The following PACRGL variants were observed in gnomAD, a reference collection of about 807,000 sequenced individuals.
PACRGL encodes the protein PACRG-like protein.
In PACRGL, 38 loss-of-function variants were observed where a neutral mutation model predicts 34.5. The observed-to-expected ratio is 1.10, with a 90% CI of 0.85 to 1.44. PACRGL has a LOEUF of 1.44. PACRGL is among the 40% of genes most tolerant of loss of function. The probability of loss-of-function intolerance (pLI) is 0.00; values close to 1 mark genes in which losing one functional copy is unlikely to be tolerated. For missense variants in PACRGL, 305 were observed against 281.4 expected (o/e 1.08, Z -0.60); for synonymous variants, 128 against 100.1 (o/e 1.28, Z -1.66).
chr4:20,737,398 G>C (rs769414953), downstream of PACRGL, among the ~76,000 whole-genome samples: 21 of 152,194 alleles, frequency 1.4e-4, no homozygotes, highest in Non-Finnish European at 2.8e-4. Flanking sequence ...AATTTTTAAT[G>C]AGGAGCACTT....
intron 1 of PACRGL, chr4:20,702,029 T>TA: frequency 2.3e-6 from 1 of 439,812 alleles, no homozygotes; most frequent in East Asian, 7.0e-5. Flanking sequence ...AGTTGTCCTG[T>TA]ATACTCATAA....
chr4:20,729,259 C>G lies in PACRGL; in HGVS notation c.*1918C>G, dbSNP rs959677059. The G allele has an allele frequency of 4.0e-5, 6 of 151,830 alleles. No individual in the cohort carries two copies. Among genetic ancestry groups the G allele is most frequent in the African/African-American group, 1.5e-4 (6 of 41,290 alleles). 9.4% of individuals were successfully genotyped at this position (151,830 alleles called of 1,614,324 possible). Reference sequence around the variant, plus strand: ...GGAGGATAGATATCCTGACCCTTTGCATATGTCTGTAAACATCCTTGTTTT... The same window carrying G: ...GGAGGATAGATATCCTGACCCTTTGGATATGTCTGTAAACATCCTTGTTTT... On this transcript the variant is annotated 3_prime_UTR_variant, in exon 9 of 9. Coordinates refer to ENST00000503585, the MANE Select transcript of PACRGL (RefSeq NM_001258345.3).
chr4:20,747,650 C>T (rs1398650927), intron 8 of PACRGL, among the ~76,000 whole-genome samples: 1 of 152,096 alleles, frequency 6.6e-6, no homozygotes, highest in African/African-American at 2.4e-5. Flanking sequence ...TCCTTCTCCA[C>T]TCTCAGCTTT....
At chr4:20,741,456 C>A (rs902210614) in intron 8 of PACRGL, among the ~76,000 whole-genome samples, 1 of 152,190 alleles carries the variant, frequency 6.6e-6, no homozygotes, top group South Asian at 2.1e-4. Context: ...GAACAACCTG[C>A]TCCTGAATGA....
chr4:20,750,993 G>A (rs1753517300), intron 8 of PACRGL, among the ~76,000 whole-genome samples: 1 of 152,106 alleles, frequency 6.6e-6, no homozygotes, highest in African/African-American at 2.4e-5. Context: ...GCCCTCTGAG[G>A]AGGCCATCTA....
chr4:20,741,271 C>A (rs1157614027), intron 8 of PACRGL, among the ~76,000 whole-genome samples: 1 of 152,156 alleles, frequency 6.6e-6, no homozygotes, highest in Non-Finnish European at 1.5e-5. Context: ...AATATAGATT[C>A]TTCTCAGCAC....
intron 8 of PACRGL, among the ~76,000 whole-genome samples, chr4:20,749,227 G>C (rs1282407574): frequency 6.6e-6 from 1 of 151,314 alleles, no homozygotes; most frequent in Non-Finnish European, 1.5e-5. Context: ...TTTCCTCGTA[G>C]AATTGTCAGG....
At position 20,709,676 on chromosome 4, in the gene PACRGL, A is replaced by G. The variant is rs368476590; in HGVS notation, c.276-7A>G. 5 of 1,559,568 alleles carry G rather than the reference A, an allele frequency of 3.2e-6. No homozygotes were observed. Among genetic ancestry groups the G allele is most frequent in the Non-Finnish European group, 4.4e-6 (5 of 1,144,086 alleles). ...TCTTGTTGCATTCACTAACTTTTAT[A>G]TTTTAGATTGGTACATGGTTCAGTA... On this transcript the variant is annotated splice_region_variant and splice_polypyrimidine_tract_variant and intron_variant, in intron 4 of 8. Transcript: ENST00000503585.
intron 7 of PACRGL, among the ~76,000 whole-genome samples, chr4:20,717,267 T>C (rs562184573): frequency 3.9e-5 from 6 of 152,190 alleles, no homozygotes; most frequent in South Asian, 4.1e-4. Context: ...CAAAAATTTT[T>C]TCCCATTCTG....
upstream of PACRGL, among the ~76,000 whole-genome samples, chr4:20,697,485 A>G (rs1381980772): frequency 1.3e-5 from 2 of 152,228 alleles, no homozygotes; most frequent in Non-Finnish European, 2.9e-5. Flanking sequence ...ATAAGGTTAT[A>G]TAATATGGAG....
At chr4:20,706,459 T>C (rs1033652754) in intron 3 of PACRGL, among the ~76,000 whole-genome samples, 13 of 152,228 alleles carry the variant, frequency 8.5e-5, no homozygotes, top group Non-Finnish European at 1.2e-4. Flanking sequence ...CGGATATGCT[T>C]GTTACTTGAA....
rs1220542035 is a variant in PACRGL, at chr4:20,731,465, T to C, written c.*4124T>C. On this transcript the variant is annotated 3_prime_UTR_variant, in exon 9 of 9. Coordinates refer to ENST00000503585, the MANE Select transcript of PACRGL (RefSeq NM_001258345.3). ...GTTTCTTTGATAACAGGCTACTACC[T>C]GGAGTTCTCTTCAGAGAAAATTTTC... is the stretch of plus-strand genomic sequence containing the variant. 1.0e-6 allele frequency: 1 copy of C among 985,158 alleles called. No homozygotes were observed. The highest frequency in any genetic ancestry group is 1.2e-6 in the Non-Finnish European group (1 of 829,790). 61.0% of individuals were successfully genotyped at this position (985,158 alleles called of 1,614,324 possible).
At chr4:20,752,337 G>T (rs1195012049) in intron 8 of PACRGL, among the ~76,000 whole-genome samples, 6 of 152,142 alleles carry the variant, frequency 3.9e-5, no homozygotes, top group Non-Finnish European at 7.3e-5. Context: ...GGGATTACAG[G>T]TGTGAGCCAC....
At position 20,712,783 on chromosome 4, in the gene PACRGL, G is replaced by A; in HGVS notation, c.367-5G>A. The A allele has an allele frequency of 6.7e-7, 1 of 1,486,680 alleles. No homozygotes were observed. The highest frequency in any genetic ancestry group is 9.0e-7 in the Non-Finnish European group (1 of 1,106,836). 92.1% of individuals were successfully genotyped at this position (1,486,680 alleles called of 1,614,324 possible). A position where few individuals can be genotyped will look rare whatever the true frequency, so the allele number is the denominator to read the frequency against. ...TAAATCATGTTTCCTCTTGGTCTTTGTCAGGGTCTGAGAGAGACTAAGCAT... is the reference window on the plus strand; with the variant it reads ...TAAATCATGTTTCCTCTTGGTCTTTATCAGGGTCTGAGAGAGACTAAGCAT... On this transcript the variant is annotated splice_polypyrimidine_tract_variant and splice_region_variant and intron_variant, in intron 5 of 8. Coordinates refer to ENST00000503585, the MANE Select transcript of PACRGL (RefSeq NM_001258345.3).
chr4:20,710,518 T>TA (rs1376250756), intron 5 of PACRGL, among the ~76,000 whole-genome samples: 2 of 152,214 alleles, frequency 1.3e-5, no homozygotes, highest in Middle Eastern at 3.2e-3. Flanking sequence ...GTTTGGGTGA[T>TA]ATTAGTAATA....
At position 20,704,703 on chromosome 4, in the gene PACRGL, C is replaced by T; in HGVS notation, c.96C>T (p.His32=). Residue 32 remains histidine (H), a synonymous_variant, in exon 3 of 9, where the codon CAC becomes CAT. Transcript: ENST00000503585. The part of the protein sequence containing the change: ...QRTSSSTQLK[H]RNAVQGSKSS... ...CATCATCAAGCACACAGTTAAAACA[C>T]AGGAATGCAGTTCAGGGAAGCAAAT... The T allele has an allele frequency of 8.7e-6, 14 of 1,614,092 alleles. No homozygotes were observed. Among genetic ancestry groups the T allele is most frequent in the Non-Finnish European group, 1.2e-5 (14 of 1,179,974 alleles).
chr4:20,710,345 G>T (rs1736590875), intron 5 of PACRGL, among the ~76,000 whole-genome samples: 1 of 152,096 alleles, frequency 6.6e-6, no homozygotes, highest in South Asian at 2.1e-4. Flanking sequence ...AAATGTTGGT[G>T]GAGTCTTAGC....
At chr4:20,708,695 A>G (rs1307500340) in intron 4 of PACRGL, among the ~76,000 whole-genome samples, 1 of 152,206 alleles carries the variant, frequency 6.6e-6, no homozygotes, top group Admixed American at 6.5e-5. Context: ...AAAGGAGTCA[A>G]GAAGTCAAGA....
intron 1 of PACRGL, 104 bp from the exon 2 acceptor site, chr4:20,704,362 T>C (rs1733601340): frequency 1.9e-6 from 2 of 1,044,260 alleles, no homozygotes; most frequent in Admixed American, 5.5e-5. Context: ...TTTTTGTGTG[T>C]CTTTTACTGT....
Sources: allele counts gnomAD v4.1 joint callset (sites outside exome capture counted in the v4.1 genomes callset), GRCh38; gene constraint gnomAD v4.1.1; transcripts MANE v1.5; gene names NCBI Gene and HGNC (gene_info 2026-07-23, HGNC 2026-07-21).